The following SHMT1 variants were observed in gnomAD, a reference collection of about 807,000 sequenced individuals.
The protein encoded by SHMT1 is serine hydroxymethyltransferase, cytosolic.
SHMT1 carries 45 observed loss-of-function variants against 49.0 expected under a neutral mutation model. The ratio of observed to expected loss-of-function variants is 0.92; its 90% CI spans 0.72 to 1.18. The LOEUF is 1.18. SHMT1 is among the 50% of genes most tolerant of loss of function. The pLI is 0.00. For synonymous variants in SHMT1, 232 were observed against 246.6 expected (o/e 0.94, Z 0.55); for missense variants, 541 against 612.4 (o/e 0.88, Z 1.23).
At chr17:18,349,790 G>A (rs890637414) in intron 3 of SHMT1, among the ~76,000 whole-genome samples, 44 of 152,038 alleles carry the variant, frequency 2.9e-4, no homozygotes, top group African/African-American at 1.1e-3. Flanking sequence ...GGAGGCCGAA[G>A]TGGGCGGATC....
At chr17:18,359,028 T>A (rs1986512739) in intron 1 of SHMT1, among the ~76,000 whole-genome samples, 2 of 139,210 alleles carry the variant, frequency 1.4e-5, no homozygotes, top group Non-Finnish European at 1.6e-5. Flanking sequence ...GGCCAAGGCG[T>A]GCGGATCATG....
intron 5 of SHMT1, among the ~76,000 whole-genome samples, chr17:18,345,514 C>A (rs1174397855): frequency 6.6e-6 from 1 of 151,964 alleles, no homozygotes; most frequent in Non-Finnish European, 1.5e-5. Flanking sequence ...ACTTCGACCT[C>A]CCAAAGTGCT....
chr17:18,340,522 C>T lies in SHMT1; in HGVS notation c.601+210G>A, dbSNP rs1984381821. 2.9e-6 allele frequency: 2 copies of T among 680,178 alleles called. No individual in the cohort carries two copies. The highest frequency in any genetic ancestry group is 5.4e-5 in the East Asian group (2 of 37,028). The allele number at this position is 680,178 out of a possible 1,614,324, so 42.1% of individuals were successfully genotyped here. A position where few individuals can be genotyped will look rare whatever the true frequency, so the allele number is the denominator to read the frequency against. On this transcript the variant is annotated intron_variant, in intron 6 of 11. Coordinates refer to ENST00000316694, the MANE Select transcript of SHMT1 (RefSeq NM_004169.5). This position sits in a 1 kb window ranked among gnomAD's most constrained non-coding sequence, Gnocchi z 4.5. ...ACATTTCTAGATGCTTCTCTGAGAA[C>T]AGTCTCACATCTTAATCTACATAGC...
At position 18,328,406 on chromosome 17, in the gene SHMT1, T is replaced by C. The variant is rs1365910780; in HGVS notation, c.*344A>G. 3.0e-6 allele frequency: 1 copy of C among 334,462 alleles called. No individual in the cohort carries two copies. Among genetic ancestry groups the C allele is most frequent in the East Asian group, 7.5e-5 (1 of 13,378 alleles). 20.7% of individuals were successfully genotyped at this position (334,462 alleles called of 1,614,324 possible). A position where few individuals can be genotyped will look rare whatever the true frequency, so the allele number is the denominator to read the frequency against. On this transcript the variant is annotated 3_prime_UTR_variant, in exon 12 of 12. Transcript: ENST00000316694. ...AAGGCGGAGGAAAGCCCAGGGAGAGTAAAACGCTACAATCTTTCTAACAGC... is the reference window on the plus strand; with the variant it reads ...AAGGCGGAGGAAAGCCCAGGGAGAGCAAAACGCTACAATCTTTCTAACAGC...
At chr17:18,349,659 C>A (rs969602484) in intron 3 of SHMT1, among the ~76,000 whole-genome samples, 1 of 152,064 alleles carries the variant, frequency 6.6e-6, no homozygotes, top group African/African-American at 2.4e-5. Flanking sequence ...TTGGAGATTG[C>A]AGTGAGCTTT....
At chr17:18,359,878 G>A (rs933625473) in intron 1 of SHMT1, among the ~76,000 whole-genome samples, 8 of 151,768 alleles carry the variant, frequency 5.3e-5, no homozygotes, top group Non-Finnish European at 1.2e-4. Flanking sequence ...CCCAGGAGGC[G>A]GAGACTGTAG....
rs775163406 is a variant in SHMT1 at position 18,353,819 on chromosome 17, T to C, written c.97-2A>G. ...CTCCTTCTTAATGATGTTGTAAACC[T>C]TATGAGAAGAAAACAGATGCTTGAT... On this transcript the variant is annotated splice_acceptor_variant, in intron 2 of 11. Coordinates refer to ENST00000316694, the MANE Select transcript of SHMT1 (RefSeq NM_004169.5). LOFTEE classifies it high-confidence loss of function. The C allele has an allele frequency of 1.2e-6, 2 of 1,614,082 alleles. No individual in the cohort carries two copies. The highest frequency in any genetic ancestry group is 1.7e-6 in the Non-Finnish European group (2 of 1,179,918).
At chr17:18,358,671 G>A (rs1030935574) in intron 1 of SHMT1, among the ~76,000 whole-genome samples, 3 of 152,130 alleles carry the variant, frequency 2.0e-5, no homozygotes, top group African/African-American at 7.2e-5. Context: ...GGAGGCTGAG[G>A]CAGGAGGATC....
intron 3 of SHMT1, among the ~76,000 whole-genome samples, chr17:18,350,058 G>C (rs1190008169): frequency 6.6e-6 from 1 of 152,034 alleles, no homozygotes; most frequent in East Asian, 1.9e-4. Flanking sequence ...GCCGGGCACG[G>C]TGGCTCACGC....
chr17:18,349,302 C>A (rs2151593398), intron 3 of SHMT1, among the ~76,000 whole-genome samples: 1 of 152,190 alleles, frequency 6.6e-6, no homozygotes, highest in East Asian at 1.9e-4. Flanking sequence ...TGACTGTAAT[C>A]CCAGCTGCTC....
At chr17:18,351,506 C>T (rs1598055270) in intron 3 of SHMT1, among the ~76,000 whole-genome samples, 1 of 151,866 alleles carries the variant, frequency 6.6e-6, no homozygotes, top group African/African-American at 2.4e-5. Context: ...CGCCTGTAAT[C>T]CCAACACTTT....
intron 5 of SHMT1, among the ~76,000 whole-genome samples, chr17:18,344,638 T>C (rs1329237865): frequency 1.3e-5 from 2 of 151,252 alleles, no homozygotes; most frequent in African/African-American, 2.4e-5. Flanking sequence ...TAATGGGTTT[T>C]TCAAAGGTTT....
intron 2 of SHMT1, 55 bp downstream of exon 2, chr17:18,355,831 G>T: frequency 9.5e-7 from 1 of 1,055,480 alleles, no homozygotes; most frequent in South Asian, 1.3e-5. Context: ...TAGAACTAAA[G>T]ATTAAATGAA....
At chr17:18,348,989 G>GAA (rs137955656) in intron 3 of SHMT1, among the ~76,000 whole-genome samples, 3 of 142,994 alleles carry the variant, frequency 2.1e-5, no homozygotes, top group Middle Eastern at 3.6e-3. Flanking sequence ...AAAAGAAAAA[G>GAA]AAAAAAAAAA....
intron 9 of SHMT1, chr17:18,330,947 G>A: frequency 2.2e-6 from 1 of 460,280 alleles, no homozygotes; most frequent in Non-Finnish European, 4.0e-6. Flanking sequence ...GCTGCTCCTG[G>A]CTTGTTTTCT....
chr17:18,352,202 G>C (rs1049856443), intron 3 of SHMT1, among the ~76,000 whole-genome samples: 2 of 147,234 alleles, frequency 1.4e-5, no homozygotes, highest in African/African-American at 2.5e-5. Context: ...CTAGAGTGCA[G>C]TGGCGCGATC....
chr17:18,347,673 A>G lies in SHMT1; in HGVS notation c.359-17T>C. On this transcript the variant is annotated splice_polypyrimidine_tract_variant and intron_variant, in intron 4 of 11. Coordinates refer to ENST00000316694, the MANE Select transcript of SHMT1 (RefSeq NM_004169.5). The stretch of plus-strand genomic sequence containing the variant: ...CAGGGGAGCCTGAAACGAGTGGACC[A>G]GAGGAGACATGATTATTTCTAACTG... 1 of 1,614,060 alleles carries G rather than the reference A, an allele frequency of 6.2e-7. No homozygotes were observed. The highest frequency in any genetic ancestry group is 1.1e-5 in the South Asian group (1 of 91,074).
rs1374467107 is a variant in SHMT1 at position 18,328,115 on chromosome 17, G to C, written c.*635C>G. The stretch of plus-strand genomic sequence containing the variant: ...TATCTCAGGTGGAGCAGGAAAGCCT[G>C]GTTGATTCTCACACCAGGATGGGAC... On this transcript the variant is annotated 3_prime_UTR_variant, in exon 12 of 12. Transcript: ENST00000316694. The C allele has an allele frequency of 1.3e-5, 2 of 152,576 alleles. No individual in the cohort carries two copies. Among genetic ancestry groups the C allele is most frequent in the Admixed American group, 6.5e-5 (1 of 15,298 alleles). The allele number at this position is 152,576 out of a possible 1,614,324, so 9.5% of individuals were successfully genotyped here. A position where few individuals can be genotyped will look rare whatever the true frequency, so the allele number is the denominator to read the frequency against.
At position 18,328,671 on chromosome 17, in the gene SHMT1, C is replaced by T; in HGVS notation, c.*79G>A. The T allele has an allele frequency of 2.0e-6, 3 of 1,474,602 alleles. No homozygotes were observed. In the Admixed American group the frequency reaches 5.9e-5, roughly 29 times the overall value. 91.3% of individuals were successfully genotyped at this position (1,474,602 alleles called of 1,614,324 possible). A position where few individuals can be genotyped will look rare whatever the true frequency, so the allele number is the denominator to read the frequency against. ...TCAACAGTTCCCCTTTGGAGCAGCT[C>T]ATCCATCTCTCAGGTGGGGGTCCTC... On this transcript the variant is annotated 3_prime_UTR_variant, in exon 12 of 12. Transcript: ENST00000316694.
Sources: allele counts gnomAD v4.1 joint callset (sites outside exome capture counted in the v4.1 genomes callset), GRCh38; gene constraint gnomAD v4.1.1; non-coding constraint Gnocchi (gnomAD v3.1); transcripts MANE v1.5; gene names NCBI Gene and HGNC (gene_info 2026-07-23, HGNC 2026-07-21).